The following SCN3A variants were observed in gnomAD, a reference collection of about 807,000 sequenced individuals.
The protein encoded by SCN3A is sodium voltage-gated channel alpha subunit 3, also known as sodium channel protein type 3 subunit alpha.
A neutral mutation model predicts 187.6 loss-of-function variants in SCN3A; 60 were observed. That is an observed-to-expected ratio of 0.32 (90% confidence interval 0.26 to 0.40). The LOEUF is 0.40. Ranked by LOEUF, SCN3A falls within the 10% of genes least tolerant of loss-of-function variation. The pLI, the probability that SCN3A is intolerant of heterozygous loss-of-function variation, is 1.00. For synonymous variants in SCN3A, 788 were observed against 829.2 expected (o/e 0.95, Z 0.85); for missense variants, 1,601 against 2,428.2 (o/e 0.66, Z 7.16).
intron 6 of SCN3A, chr2:165,164,005 A>G (rs778594801): frequency 6.1e-6 from 6 of 978,140 alleles, no homozygotes; most frequent in Non-Finnish European, 9.4e-6. Context: ...TGGAATTGCT[A>G]TAGACCTCAG....
chr2:165,169,339 A>G (rs1689972659), intron 4 of SCN3A, among the ~76,000 whole-genome samples: 1 of 151,936 alleles, frequency 6.6e-6, no homozygotes, highest in South Asian at 2.1e-4. Context: ...TTATAGCATA[A>G]AAGAGGGAGA....
chr2:165,199,929 T>C (rs953190134), intron 1 of SCN3A, among the ~76,000 whole-genome samples: 1 of 152,038 alleles, frequency 6.6e-6, no homozygotes, highest in Non-Finnish European at 1.5e-5. Context: ...AAAGCTGAAC[T>C]AAAACAGTAG....
chr2:165,108,291 A>T (rs1439914449), intron 21 of SCN3A, among the ~76,000 whole-genome samples: 1 of 152,082 alleles, frequency 6.6e-6, no homozygotes, highest in East Asian at 1.9e-4. Context: ...AATGTCAAGA[A>T]CTAAGGCAGG....
intron 18 of SCN3A, among the ~76,000 whole-genome samples, chr2:165,123,617 C>G (rs1009502174): frequency 6.6e-6 from 1 of 152,112 alleles, no homozygotes; most frequent in African/African-American, 2.4e-5. Flanking sequence ...GTTCAATGTT[C>G]TCTTGCTACT....
At chr2:165,173,969 CAG>C (rs1484656767) in intron 3 of SCN3A, among the ~76,000 whole-genome samples, 2 of 152,188 alleles carry the variant, frequency 1.3e-5, no homozygotes, top group South Asian at 2.1e-4. Context: ...TTGTCAAAAA[CAG>C]AGGACAATTC....
At chr2:165,199,821 A>G (rs1692202322) in intron 1 of SCN3A, among the ~76,000 whole-genome samples, 1 of 152,060 alleles carries the variant, frequency 6.6e-6, no homozygotes, top group South Asian at 2.1e-4. Flanking sequence ...AGGAAACACT[A>G]TTCTGCTCCG....
Position 165,159,347 on chromosome 2 carries a change from G to GTTGTT in SCN3A, c.1031+2956_1031+2960dup, listed in dbSNP as rs538433187. Reference sequence around the variant, plus strand: ...CTTTAGATATTCTGGACACTGGTTTGTTGTTTTGTTTTGTTTTGTTTTCTT... The same window carrying GTTGTT: ...CTTTAGATATTCTGGACACTGGTTTGTTGTTTTGTTTTGTTTTGTTTTGTTTTCTT... On this transcript the variant is annotated intron_variant, in intron 9 of 27. Coordinates refer to ENST00000283254, the MANE Select transcript of SCN3A (RefSeq NM_006922.4). 3.7e-5 allele frequency among the ~76,000 whole-genome samples: 5 copies of GTTGTT among 136,546 alleles called. 1 individual carries two copies. Among genetic ancestry groups the GTTGTT allele is most frequent in the Non-Finnish European group, 6.0e-5 (4 of 66,358 alleles). The allele number at this position is 136,546 out of a possible 152,430, so 89.6% of individuals were successfully genotyped here. A position where few individuals can be genotyped will look rare whatever the true frequency, so the allele number is the denominator to read the frequency against.
chr2:165,138,251 A>G lies in SCN3A; in HGVS notation c.2153-134T>C, dbSNP rs1009707152. ...AAGTTCATATTACTTAAGAAACTTG[A>G]GAAGACAATCCCATTAAATATTTTC... On this transcript the variant is annotated intron_variant, in intron 14 of 27. Coordinates refer to ENST00000283254, the MANE Select transcript of SCN3A (RefSeq NM_006922.4). 2.5e-5 allele frequency: 17 copies of G among 691,194 alleles called. No homozygotes were observed. In the African/African-American group the frequency reaches 2.9e-4, roughly 12 times the overall value. The allele number at this position is 691,194 out of a possible 1,614,324, so 42.8% of individuals were successfully genotyped here.
At chr2:165,144,932 AAAC>A (rs1250144169) in intron 12 of SCN3A, among the ~76,000 whole-genome samples, 3 of 152,186 alleles carry the variant, frequency 2.0e-5, no homozygotes, top group Non-Finnish European at 4.4e-5. Context: ...CAAAATGATG[AAAC>A]AATAAAGGAA....
intron 1 of SCN3A, among the ~76,000 whole-genome samples, chr2:165,190,498 A>G (rs1030267685): frequency 1.4e-5 from 2 of 147,584 alleles, no homozygotes; most frequent in Non-Finnish European, 3.0e-5. Flanking sequence ...ACAAAGATAT[A>G]TATATATAAC....
At chr2:165,187,324 A>G (rs1691305293) in intron 1 of SCN3A, among the ~76,000 whole-genome samples, 6 of 152,212 alleles carry the variant, frequency 3.9e-5, no homozygotes, top group Admixed American at 3.9e-4. Context: ...ATTAACCTAA[A>G]TGTAATAACC....
Position 165,088,265 on chromosome 2 carries a change from T to C in SCN3A, c.*1885A>G, listed in dbSNP as rs1430989768. 1.3e-5 allele frequency: 2 copies of C among 152,502 alleles called. No individual in the cohort carries two copies. The highest frequency in any genetic ancestry group is 2.9e-5 in the Non-Finnish European group (2 of 67,954). 9.4% of individuals were successfully genotyped at this position (152,502 alleles called of 1,614,324 possible). ...ACAGTAAATAGTTTTGTAAAAAGAA[T>C]TAACATTAAACTTTTGGTTTGTGCA... On this transcript the variant is annotated 3_prime_UTR_variant, in exon 28 of 28. Coordinates refer to ENST00000283254, the MANE Select transcript of SCN3A (RefSeq NM_006922.4).
chr2:165,117,530 C>G (rs578094878), intron 18 of SCN3A, among the ~76,000 whole-genome samples: 14 of 152,072 alleles, frequency 9.2e-5, no homozygotes, highest in African/African-American at 3.4e-4. Flanking sequence ...TACATATAGA[C>G]ACATATATAT....
At chr2:165,127,354 C>T (rs571709010) in intron 18 of SCN3A, among the ~76,000 whole-genome samples, 1 of 152,206 alleles carries the variant, frequency 6.6e-6, no homozygotes, top group South Asian at 2.1e-4. Context: ...AGCCACCATG[C>T]CCAGCCTAAA....
At chr2:165,170,276 A>G (rs1381895260) in intron 4 of SCN3A, among the ~76,000 whole-genome samples, 154 bp downstream of exon 4, 1 of 151,954 alleles carries the variant, frequency 6.6e-6, no homozygotes, top group African/African-American at 2.4e-5. Context: ...CTCTCATTAT[A>G]AATAGTGGAA....
intron 15 of SCN3A, among the ~76,000 whole-genome samples, chr2:165,132,585 A>G (rs1402952637): frequency 6.6e-6 from 1 of 152,224 alleles, no homozygotes; most frequent in Non-Finnish European, 1.5e-5. Flanking sequence ...CATATGTAGA[A>G]AGCTGAAACT....
intron 22 of SCN3A, among the ~76,000 whole-genome samples, chr2:165,097,960 G>A (rs1685437564): frequency 6.6e-6 from 1 of 152,160 alleles, no homozygotes; most frequent in Non-Finnish European, 1.5e-5. Flanking sequence ...TATTAAAAAT[G>A]CCTTAAATCT....
intron 9 of SCN3A, among the ~76,000 whole-genome samples, chr2:165,156,726 A>T (rs1689071289): frequency 6.6e-6 from 1 of 151,868 alleles, no homozygotes; most frequent in Admixed American, 6.6e-5. Context: ...ATATATTGTT[A>T]TTATTTAATT....
rs748464925 is a variant in SCN3A at position 165,095,547 on chromosome 2, A to G, written c.4395T>C (p.Gly1465=). The G allele has an allele frequency of 6.2e-7, 1 of 1,610,718 alleles. No individual in the cohort carries two copies. Among genetic ancestry groups the G allele is most frequent in the Non-Finnish European group, 8.5e-7 (1 of 1,177,120 alleles). The change falls in exon 25 of 28, where the codon GGT becomes GGC. Residue 1465 remains glycine (G), a synonymous_variant. Transcript: ENST00000283254. ...GSFFTLNLFI[G]VIIDNFNQQK... The stretch of plus-strand genomic sequence containing the variant: ...GCTGGTTGAAGTTATCTATGATGAC[A>G]CCAATGAATAGATTCAGAGTGAAGA...
Sources: gnomAD v4.1 joint callset for allele counts (sites outside exome capture counted in the v4.1 genomes callset) on GRCh38, gnomAD v4.1.1 for gene constraint, MANE v1.5 for transcripts, NCBI Gene and HGNC (gene_info 2026-07-23, HGNC 2026-07-21) for gene names.